The following GSE1 variants were observed in gnomAD, a reference collection of about 807,000 sequenced individuals.
The protein encoded by GSE1 is Gse1 coiled-coil protein, also known as genetic suppressor element 1.
A neutral mutation model predicts 112.6 loss-of-function variants in GSE1; 32 were observed. The observed-to-expected ratio is 0.28, with a 90% CI of 0.21 to 0.38. The LOEUF (loss-of-function observed/expected upper bound fraction) is 0.38, where lower values mean the gene tolerates loss of function less well. GSE1 is among the 10% of genes least tolerant of loss of function. GSE1 has a pLI of 1.00. For missense variants in GSE1, 2,348 were observed against 1,699.2 expected (o/e 1.38, Z -6.71); for synonymous variants, 1,115 against 735.6 (o/e 1.52, Z -8.35).
chr16:85,408,636 C>G lies in GSE1; in HGVS notation c.2464+50993C>G. On this transcript the variant is annotated intron_variant, in intron 2 of 2. Transcript: ENST00000637419. ...CTCAGGCCCCCCTGGATAATCCTCA[C>G]TGTTGAACTTAGGGCCCCCCGGATA... 5.7e-5 allele frequency among the ~76,000 whole-genome samples: 2 copies of G among 35,320 alleles called. 1 individual carries two copies. The highest frequency in any genetic ancestry group is 2.9e-4 in the African/African-American group (2 of 7,002). 23.2% of individuals were successfully genotyped at this position (35,320 alleles called of 152,430 possible). A position where few individuals can be genotyped will look rare whatever the true frequency, so the allele number is the denominator to read the frequency against.
chr16:85,224,638 T>C (rs548771277), intron 1 of GSE1, among the ~76,000 whole-genome samples: 1 of 152,270 alleles, frequency 6.6e-6, no homozygotes, highest in South Asian at 2.1e-4. Flanking sequence ...CTCCATCCCT[T>C]CCCCTGCCGA....
In GSE1 at chr16:85,655,815, C is replaced by T. The variant is rs763499632; in HGVS notation, c.887C>T (p.Ala296Val). ...PGSLPPLHPS[A>V]MHLHLSGVRY... is the part of the protein sequence containing the mutation. ...TCCCTGCCCCCACTGCACCCATCAG[C>T]GATGCACCTGCACCTCTCTGGGGTC... Residue 296 changes from alanine to valine, a missense_variant, in exon 6 of 16, where the codon GCG (alanine) becomes GTG (valine). Coordinates refer to ENST00000253458, the MANE Select transcript of GSE1 (RefSeq NM_014615.5). 2.7e-5 allele frequency: 43 copies of T among 1,609,852 alleles called. No individual in the cohort carries two copies. The highest frequency in any genetic ancestry group is 3.3e-5 in the Non-Finnish European group (39 of 1,178,210).
At chr16:85,486,737 A>G (rs767992346) in intron 2 of GSE1, among the ~76,000 whole-genome samples, 5 of 150,668 alleles carry the variant, frequency 3.3e-5, no homozygotes, top group Non-Finnish European at 7.4e-5. Context: ...CGGAGCGGGC[A>G]TCTGTCCTGT....
chr16:85,542,341 T>A (rs1007249310), intron 2 of GSE1, among the ~76,000 whole-genome samples: 8 of 152,198 alleles, frequency 5.3e-5, no homozygotes, highest in Non-Finnish European at 1.0e-4. Context: ...CTTACCGAGC[T>A]GGAGGGCCTG....
intron 1 of GSE1, among the ~76,000 whole-genome samples, chr16:85,573,229 A>T (rs2046082944): frequency 6.6e-6 from 1 of 151,672 alleles, no homozygotes; most frequent in African/African-American, 2.4e-5. Flanking sequence ...GAAGTCCTGG[A>T]CTCAAGCCAT....
chr16:85,363,796 G>A (rs1462189299), intron 2 of GSE1, among the ~76,000 whole-genome samples: 1 of 138,130 alleles, frequency 7.2e-6, no homozygotes, highest in African/African-American at 2.6e-5. Context: ...GGGCGGGGGA[G>A]AAGAGGAGGG....
intron 7 of GSE1, among the ~76,000 whole-genome samples, 166 bp downstream of exon 7, chr16:85,656,831 G>C (rs1483642908): frequency 6.6e-6 from 1 of 152,370 alleles, no homozygotes; most frequent in South Asian, 2.1e-4. Flanking sequence ...AGGCACGTTG[G>C]CACACGATGT....
intron 1 of GSE1, among the ~76,000 whole-genome samples, chr16:85,619,428 G>T (rs2048587384): frequency 6.6e-6 from 1 of 151,208 alleles, no homozygotes; most frequent in Non-Finnish European, 1.5e-5. Context: ...GGCGGGAGGG[G>T]GGTGGGGCGC....
At chr16:85,375,178 C>G (rs2047392408) in intron 2 of GSE1, among the ~76,000 whole-genome samples, 1 of 152,158 alleles carries the variant, frequency 6.6e-6, no homozygotes, top group Non-Finnish European at 1.5e-5. Context: ...GCTGTGCGAG[C>G]TGCCGGCACC....
intron 1 of GSE1, among the ~76,000 whole-genome samples, chr16:85,620,581 C>G (rs897235666): frequency 3.3e-5 from 5 of 152,240 alleles, no homozygotes; most frequent in African/African-American, 9.6e-5. Flanking sequence ...TCCACGCGGT[C>G]GTCTCTGCCG....
chr16:85,229,138 G>C (rs918398301), intron 1 of GSE1, among the ~76,000 whole-genome samples: 3 of 152,246 alleles, frequency 2.0e-5, no homozygotes, highest in Admixed American at 6.5e-5. Flanking sequence ...AGGGGGCTGA[G>C]GTCTCCCTAC....
At chr16:85,649,696 GGCT>G (rs1180581631) in intron 3 of GSE1, among the ~76,000 whole-genome samples, 1 of 152,184 alleles carries the variant, frequency 6.6e-6, no homozygotes, top group Admixed American at 6.5e-5. Flanking sequence ...GATTCTCAGG[GGCT>G]GCTGTCACCT....
chr16:85,299,591 C>T (rs754357134), intron 1 of GSE1, among the ~76,000 whole-genome samples: 9 of 152,302 alleles, frequency 5.9e-5, no homozygotes, highest in Admixed American at 1.3e-4. Context: ...CTGCCTACTC[C>T]GTTCTCTGCA....
chr16:85,487,762 G>A (rs1321951425), intron 2 of GSE1, among the ~76,000 whole-genome samples: 4 of 152,222 alleles, frequency 2.6e-5, no homozygotes, highest in South Asian at 4.1e-4. Flanking sequence ...GAGGTGGGTC[G>A]TCCAGGCCAC....
intron 1 of GSE1, among the ~76,000 whole-genome samples, chr16:85,181,081 G>T (rs537571649): frequency 6.6e-6 from 1 of 152,178 alleles, no homozygotes; most frequent in African/African-American, 2.4e-5. Flanking sequence ...GGTGAATGCC[G>T]GGCCATGTGT....
intron 2 of GSE1, among the ~76,000 whole-genome samples, chr16:85,462,618 C>T (rs948395058): frequency 6.2e-5 from 9 of 144,888 alleles, no homozygotes; most frequent in Admixed American, 5.0e-4. Flanking sequence ...ACTCAGCAGT[C>T]TTGACAAGCG....
chr16:85,367,474 C>T lies in GSE1; in HGVS notation c.2464+9831C>T, dbSNP rs113068549. Among the ~76,000 whole-genome samples the T allele has an allele frequency of 8.5e-3, 1,300 of 152,326 alleles. 12 individuals are homozygous for T. Among genetic ancestry groups the T allele is most frequent in the Middle Eastern group, 0.031 (9 of 294 alleles). On this transcript the variant is annotated intron_variant, in intron 2 of 2. Transcript: ENST00000637419. ...ATTCAAGAGGAAGGCAGATAACTCC[C>T]GAATGAGCAGGTAAAGGAGTGATGC...
At chr16:85,472,491 T>C (rs2050326018) in intron 2 of GSE1, among the ~76,000 whole-genome samples, 1 of 152,252 alleles carries the variant, frequency 6.6e-6, no homozygotes, top group African/African-American at 2.4e-5. Context: ...CTCATTGGCC[T>C]TAGGACCCAC....
At chr16:85,539,915 G>C (rs2044463091) in intron 2 of GSE1, among the ~76,000 whole-genome samples, 1 of 152,220 alleles carries the variant, frequency 6.6e-6, no homozygotes, top group African/African-American at 2.4e-5. Flanking sequence ...CCCTCGTGGG[G>C]CCTGTGACCT....
Sources: gnomAD v4.1 joint callset for allele counts (sites outside exome capture counted in the v4.1 genomes callset) on GRCh38, gnomAD v4.1.1 for gene constraint, MANE v1.5 for transcripts, NCBI Gene and HGNC (gene_info 2026-07-23, HGNC 2026-07-21) for gene names.